The following CYP2C8 variants were observed in gnomAD, a reference collection of about 807,000 sequenced individuals.
CYP2C8 encodes the protein cytochrome P450 family 2 subfamily C member 8, also known as cytochrome P450 2C8.
A neutral mutation model predicts 41.3 loss-of-function variants in CYP2C8; 51 were observed. The observed-to-expected ratio is 1.24, with a 90% confidence interval of 0.99 to 1.56. CYP2C8 has a LOEUF of 1.56. Ranked by LOEUF, CYP2C8 falls within the 40% of genes most tolerant of loss-of-function variation. The pLI is 0.00. For synonymous variants in CYP2C8, 218 were observed against 205.8 expected (o/e 1.06, Z -0.51); for missense variants, 651 against 579.9 (o/e 1.12, Z -1.26).
intron 5 of CYP2C8, among the ~76,000 whole-genome samples, chr10:95,054,423 T>C (rs1564737840): frequency 6.6e-6 from 1 of 152,112 alleles, no homozygotes; most frequent in Non-Finnish European, 1.5e-5. Flanking sequence ...AGAAAATGTA[T>C]TTATAAAAAT....
At chr10:95,059,333 A>G (rs1453633576) in intron 4 of CYP2C8, among the ~76,000 whole-genome samples, 1 of 152,188 alleles carries the variant, frequency 6.6e-6, no homozygotes, top group Non-Finnish European at 1.5e-5. Context: ...AATGATTGCC[A>G]TTCTAACTGG....
chr10:95,064,888 T>G lies in CYP2C8; in HGVS notation c.554A>C (p.Lys185Thr), dbSNP rs1162574508. The change falls in exon 4 of 9, where the codon AAA becomes ACA. Residue 185 changes from lysine to threonine, a missense_variant. Transcript: ENST00000371270. ...ATTCTGATCTTTATAATCAAATCGT[T>G]TCTGGAAAACAACGGAGCAGATCAC... ...CNVICSVVFQKRFDYKDQNFL... is the reference protein window; with the variant it reads ...CNVICSVVFQTRFDYKDQNFL... 12 of 1,613,798 alleles carry G rather than the reference T, an allele frequency of 7.4e-6. No homozygotes were observed. Among genetic ancestry groups the G allele is most frequent in the Non-Finnish European group, 1.0e-5 (12 of 1,179,980 alleles).
intron 4 of CYP2C8, among the ~76,000 whole-genome samples, chr10:95,058,898 GT>G (rs1342526484): frequency 6.6e-6 from 1 of 151,874 alleles, no homozygotes; most frequent in Non-Finnish European, 1.5e-5. Flanking sequence ...GCAGTGTTTG[GT>G]TTTTTTGTCC....
At chr10:95,042,824 G>T in intron 7 of CYP2C8, 66 bp downstream of exon 7, 2 of 1,372,538 alleles carry the variant, frequency 1.5e-6, no homozygotes, top group Non-Finnish European at 2.1e-6. Context: ...TTAGAGGGTT[G>T]GAACCAAACC....
At chr10:95,042,787 G>T in intron 7 of CYP2C8, 103 bp downstream of exon 7, 1 of 975,374 alleles carries the variant, frequency 1.0e-6, no homozygotes, top group Non-Finnish European at 1.7e-6. Context: ...ACATGTATGA[G>T]TTTTGCACTT....
chr10:95,038,592 G>A (rs2032932296), intron 8 of CYP2C8, among the ~76,000 whole-genome samples: 3 of 152,098 alleles, frequency 2.0e-5, no homozygotes, highest in Non-Finnish European at 4.4e-5. Context: ...AAGATCAGAT[G>A]AATTTTACCT....
chr10:95,061,187 T>C (rs939829883), intron 4 of CYP2C8, among the ~76,000 whole-genome samples: 37 of 152,238 alleles, frequency 2.4e-4, no homozygotes, highest in Admixed American at 1.3e-4. Flanking sequence ...CCTCTTTTTC[T>C]ATTGATTGGA....
At chr10:95,060,359 G>A (rs11188166) in intron 4 of CYP2C8, among the ~76,000 whole-genome samples, 33,048 of 151,910 alleles carry the variant, frequency 0.22, 4,044 homozygotes, top group Non-Finnish European at 0.29. Flanking sequence ...GGTCCTTCAC[G>A]TCCCTTGTAA....
At position 95,043,211 on chromosome 10, in the gene CYP2C8, A is replaced by C. The variant is rs1026696037; in HGVS notation, c.962-134T>G. The C allele has an allele frequency of 6.6e-6, 5 of 755,640 alleles. No individual in the cohort carries two copies. In the East Asian group the frequency reaches 1.3e-4, roughly 20 times the overall value. 46.8% of individuals were successfully genotyped at this position (755,640 alleles called of 1,614,324 possible). ...CATGAGTTACATGTCCAGAAGTACA[A>C]CCAGCCATATAAAAAGAATTACCAT... On this transcript the variant is annotated intron_variant, in intron 6 of 8. Transcript: ENST00000371270.
chr10:95,069,455 TA>T lies in CYP2C8; in HGVS notation c.-54del, dbSNP rs1354783767. Reference sequence around the variant, plus strand: ...CTGTGAGCTTGCACTCCAAAGTTTTTATAACACTCCCTGCTAATTTAGTGTG... The same window carrying T: ...CTGTGAGCTTGCACTCCAAAGTTTTTTAACACTCCCTGCTAATTTAGTGTG... On this transcript the variant is annotated 5_prime_UTR_variant, in exon 1 of 9. Coordinates refer to ENST00000371270, the MANE Select transcript of CYP2C8 (RefSeq NM_000770.3). 7.8e-6 allele frequency: 11 copies of T among 1,419,024 alleles called. No homozygotes were observed. In the Admixed American group the frequency reaches 1.0e-4, roughly 13 times the overall value. 87.9% of individuals were successfully genotyped at this position (1,419,024 alleles called of 1,614,324 possible).
At chr10:95,059,713 T>G (rs1310195594) in intron 4 of CYP2C8, among the ~76,000 whole-genome samples, 1 of 152,248 alleles carries the variant, frequency 6.6e-6, no homozygotes, top group African/African-American at 2.4e-5. Flanking sequence ...CATGAAGTCC[T>G]TGCCCATGCC....
intron 4 of CYP2C8, among the ~76,000 whole-genome samples, 197 bp from the exon 5 acceptor site, chr10:95,058,708 T>C (rs2033361167): frequency 6.6e-6 from 1 of 152,194 alleles, no homozygotes; most frequent in Admixed American, 6.5e-5. Flanking sequence ...GTTTGTCACA[T>C]ATGTATACAT....
In CYP2C8 at chr10:95,067,592, T is replaced by C. The variant is rs372299895; in HGVS notation, c.268A>G (p.Asn90Asp). The C allele has an allele frequency of 3.5e-5, 56 of 1,613,996 alleles. No individual in the cohort carries two copies. The highest frequency in any genetic ancestry group is 4.3e-5 in the Non-Finnish European group (51 of 1,180,022). The stretch of plus-strand genomic sequence containing the variant: ...CCTCTTCCAGAAAACTCCTCTCCAT[T>C]ATCAATCAGGGCTTCCTTCACTGCC... ...YEAVKEALID[N>D]GEEFSGRGNS... The change falls in exon 2 of 9, where the codon AAT becomes GAT. Residue 90 changes from asparagine (N) to aspartate (D), a missense_variant. Transcript: ENST00000371270.
intron 5 of CYP2C8, among the ~76,000 whole-genome samples, chr10:95,047,439 A>G (rs1329587646): frequency 1.3e-5 from 2 of 152,224 alleles, no homozygotes; most frequent in African/African-American, 2.4e-5. Flanking sequence ...AGTATCACCT[A>G]CATATTCATT....
chr10:95,050,872 G>A (rs2033201245), intron 5 of CYP2C8, among the ~76,000 whole-genome samples: 1 of 132,292 alleles, frequency 7.6e-6, no homozygotes, highest in Non-Finnish European at 1.8e-5. Flanking sequence ...AGAAGGATGT[G>A]TACAAAAAAA....
At chr10:95,060,423 C>T (rs1025034941) in intron 4 of CYP2C8, among the ~76,000 whole-genome samples, 3 of 152,252 alleles carry the variant, frequency 2.0e-5, no homozygotes, top group Non-Finnish European at 4.4e-5. Flanking sequence ...TGGAAGTTCA[C>T]TCATGATTTG....
chr10:95,068,855 C>A (rs2134444239), intron 1 of CYP2C8, among the ~76,000 whole-genome samples: 1 of 152,154 alleles, frequency 6.6e-6, no homozygotes, highest in East Asian at 1.9e-4. Flanking sequence ...GGTCAGGAGA[C>A]TGAGACCATT....
intron 5 of CYP2C8, among the ~76,000 whole-genome samples, chr10:95,047,253 CT>C (rs1476662006): frequency 6.6e-6 from 1 of 152,106 alleles, no homozygotes; most frequent in Non-Finnish European, 1.5e-5. Context: ...TCAGATATTT[CT>C]TTATAGAAAT....
intron 7 of CYP2C8, among the ~76,000 whole-genome samples, chr10:95,040,624 G>T (rs555342713): frequency 1.3e-5 from 2 of 152,262 alleles, no homozygotes; most frequent in Admixed American, 1.3e-4. Context: ...CCCAGTGACG[G>T]AAGAACTTCA....
Sources: gnomAD v4.1 joint callset for allele counts (sites outside exome capture counted in the v4.1 genomes callset) on GRCh38, gnomAD v4.1.1 for gene constraint, MANE v1.5 for transcripts, NCBI Gene and HGNC (gene_info 2026-07-23, HGNC 2026-07-21) for gene names.